The following ARHGAP15 variants were observed in gnomAD, a reference collection of about 807,000 sequenced individuals.
ARHGAP15 encodes the protein Rho GTPase activating protein 15.
A neutral mutation model predicts 63.7 loss-of-function variants in ARHGAP15; 51 were observed. The ratio of observed to expected loss-of-function variants is 0.80; its 90% CI spans 0.64 to 1.01. The LOEUF is 1.01. Among genes scored for constraint, ARHGAP15 ranks in the 50% least tolerant of loss-of-function variants. The probability of loss-of-function intolerance (pLI) is 0.00; values close to 1 mark genes in which losing one functional copy is unlikely to be tolerated. For synonymous variants in ARHGAP15, 191 were observed against 193.8 expected, an observed-to-expected ratio of 0.99 and a Z score of 0.12; for missense variants, 560 against 564.6, an observed-to-expected ratio of 0.99 and a Z score of 0.08.
intron 8 of ARHGAP15, among the ~76,000 whole-genome samples, chr2:143,442,590 G>A (rs1471720198): frequency 3.3e-5 from 5 of 152,226 alleles, no homozygotes; most frequent in Admixed American, 2.0e-4. Flanking sequence ...ATTGAGGACT[G>A]GGTAGGCAGC....
intron 6 of ARHGAP15, among the ~76,000 whole-genome samples, chr2:143,261,327 T>TC: frequency 1.4e-5 from 1 of 72,658 alleles, no homozygotes; most frequent in African/African-American, 7.9e-5. Flanking sequence ...GGAATGACCT[T>TC]TTTTTTTTTT....
At chr2:143,406,217 GC>G (rs1051611903) in intron 6 of ARHGAP15, among the ~76,000 whole-genome samples, 1 of 151,800 alleles carries the variant, frequency 6.6e-6, no homozygotes, top group African/African-American at 2.4e-5. Flanking sequence ...TTCACCACAT[GC>G]CCATATTTTG....
At position 143,481,406 on chromosome 2, in the gene ARHGAP15, C is replaced by CA. The variant is rs200323576; in HGVS notation, c.704-5957dup. On this transcript the variant is annotated intron_variant, in intron 8 of 13. Coordinates refer to ENST00000295095, the MANE Select transcript of ARHGAP15 (RefSeq NM_018460.4). ...TGGCTGTCCCAGCACTTCCAAATTT[C>CA]AAAAAAAAAATAATAACAACATGTA... 2.0e-3 allele frequency among the ~76,000 whole-genome samples: 300 copies of CA among 148,484 alleles called. 3 individuals carry two copies. Among genetic ancestry groups the CA allele is most frequent in the East Asian group, 5.1e-3 (26 of 5,102 alleles).
intron 13 of ARHGAP15, among the ~76,000 whole-genome samples, chr2:143,708,277 AT>A (rs1193193521): frequency 1.3e-5 from 2 of 152,286 alleles, no homozygotes; most frequent in East Asian, 1.9e-4. Context: ...ACATCAATGT[AT>A]TTTTTAAATG....
intron 6 of ARHGAP15, among the ~76,000 whole-genome samples, chr2:143,259,692 G>A (rs904961615): frequency 6.6e-6 from 1 of 152,152 alleles, no homozygotes; most frequent in Admixed American, 6.6e-5. Context: ...GGCCCTACAT[G>A]TCATTCATCT....
chr2:143,732,919 T>TG (rs1468572613), intron 13 of ARHGAP15, among the ~76,000 whole-genome samples: 6 of 149,702 alleles, frequency 4.0e-5, no homozygotes, highest in Non-Finnish European at 7.4e-5. Flanking sequence ...GGTTTTTTTT[T>TG]TTTTTTTTTT....
Position 143,355,627 on chromosome 2 carries a change from T to C in ARHGAP15, c.475-79974T>C, listed in dbSNP as rs1034846132. Among the ~76,000 whole-genome samples, 6 of 152,298 alleles carry C rather than the reference T, an allele frequency of 3.9e-5. 1 individual carries two copies. Among genetic ancestry groups the C allele is most frequent in the African/African-American group, 1.4e-4 (6 of 41,560 alleles). On this transcript the variant is annotated intron_variant, in intron 6 of 13. Coordinates refer to ENST00000295095, the MANE Select transcript of ARHGAP15 (RefSeq NM_018460.4). Reference sequence around the variant, plus strand: ...AAGAAATAACATTCAAGGAATTATATTTTAAAGCTGTTATTTTATCCATCT... The same window carrying C: ...AAGAAATAACATTCAAGGAATTATACTTTAAAGCTGTTATTTTATCCATCT...
intron 12 of ARHGAP15, among the ~76,000 whole-genome samples, chr2:143,651,198 G>A (rs1051554696): frequency 6.6e-6 from 1 of 151,952 alleles, no homozygotes; most frequent in African/African-American, 2.4e-5. Context: ...AGGTAAAATT[G>A]TTCTGTATTG....
chr2:143,427,748 T>C (rs1305437501), intron 6 of ARHGAP15, among the ~76,000 whole-genome samples: 2 of 152,120 alleles, frequency 1.3e-5, no homozygotes, highest in Non-Finnish European at 1.5e-5. Flanking sequence ...CCATTATCAA[T>C]CTTCAAAATA....
intron 6 of ARHGAP15, among the ~76,000 whole-genome samples, chr2:143,417,501 C>G (rs1574419505): frequency 6.6e-6 from 1 of 152,166 alleles, no homozygotes; most frequent in South Asian, 2.1e-4. Flanking sequence ...ATACTCTTTA[C>G]TAGGTACTTT....
intron 6 of ARHGAP15, among the ~76,000 whole-genome samples, chr2:143,422,573 G>A (rs1327974586): frequency 1.3e-5 from 2 of 152,044 alleles, no homozygotes; most frequent in Admixed American, 1.3e-4. Flanking sequence ...AAATAACAAG[G>A]ATATTTTAAA....
chr2:143,327,386 G>GA (rs1163835334), intron 6 of ARHGAP15, among the ~76,000 whole-genome samples: 1 of 152,068 alleles, frequency 6.6e-6, no homozygotes, highest in East Asian at 1.9e-4. Flanking sequence ...CACAGAATTA[G>GA]AAAAAACTAC....
chr2:143,718,604 C>T (rs2105457228), intron 13 of ARHGAP15, among the ~76,000 whole-genome samples: 1 of 152,220 alleles, frequency 6.6e-6, no homozygotes, highest in East Asian at 1.9e-4. Flanking sequence ...ATTTCTTCTC[C>T]TCTTCTATAT....
At chr2:143,562,003 C>T (rs944855979) in intron 11 of ARHGAP15, among the ~76,000 whole-genome samples, 2 of 151,944 alleles carry the variant, frequency 1.3e-5, no homozygotes, top group Non-Finnish European at 2.9e-5. Context: ...TTTATGGTCT[C>T]GTAGATATCT....
chr2:143,616,894 G>C (rs1369070000), intron 11 of ARHGAP15, among the ~76,000 whole-genome samples: 2 of 152,122 alleles, frequency 1.3e-5, no homozygotes, highest in African/African-American at 4.8e-5. Flanking sequence ...GATTGGACTT[G>C]AGTTGAGTTT....
At chr2:143,166,193 G>A (rs990343614) in intron 2 of ARHGAP15, among the ~76,000 whole-genome samples, 2 of 151,914 alleles carry the variant, frequency 1.3e-5, no homozygotes, top group African/African-American at 4.8e-5. Context: ...TACATTTAAG[G>A]GAATCTTGCT....
intron 11 of ARHGAP15, among the ~76,000 whole-genome samples, chr2:143,572,410 C>T (rs1024821698): frequency 8.5e-5 from 13 of 152,160 alleles, no homozygotes; most frequent in African/African-American, 3.1e-4. Flanking sequence ...CCCCATTCCT[C>T]TCTCCCTCTC....
Position 143,346,192 on chromosome 2 carries a change from A to ACT in ARHGAP15, c.475-89399_475-89398dup, listed in dbSNP as rs1201623811. Among the ~76,000 whole-genome samples, 859 of 145,208 alleles carry ACT rather than the reference A, an allele frequency of 5.9e-3. 9 individuals are homozygous for ACT. Among genetic ancestry groups the ACT allele is most frequent in the African/African-American group, 0.017 (681 of 39,004 alleles). On this transcript the variant is annotated intron_variant, in intron 6 of 13. Coordinates refer to ENST00000295095, the MANE Select transcript of ARHGAP15 (RefSeq NM_018460.4). ...CACACACTCTCTCTCTCACACACAC[A>ACT]CTCTCTCTCTCACACACACACTCTC... is the stretch of plus-strand genomic sequence containing the variant.
At chr2:143,315,491 G>A (rs752733420) in intron 6 of ARHGAP15, among the ~76,000 whole-genome samples, 41 of 152,114 alleles carry the variant, frequency 2.7e-4, no homozygotes, top group Non-Finnish European at 4.7e-4. Context: ...GATAATTTTT[G>A]AAAAATACAG....
Sources: gnomAD v4.1 joint callset for allele counts (sites outside exome capture counted in the v4.1 genomes callset) on GRCh38, gnomAD v4.1.1 for gene constraint, MANE v1.5 for transcripts, NCBI Gene and HGNC (gene_info 2026-07-23, HGNC 2026-07-21) for gene names.